Variants in LUZP2 observed in about 807,000 individuals in gnomAD.
LUZP2 encodes the protein leucine zipper protein 2.
A neutral mutation model predicts 51.6 loss-of-function variants in LUZP2; 52 were observed. That is an observed-to-expected ratio of 1.01 (90% CI 0.81 to 1.27). The LOEUF (loss-of-function observed/expected upper bound fraction) is 1.27. Among genes scored for constraint, LUZP2 ranks in the 50% most tolerant of loss-of-function variants. The pLI, the probability that LUZP2 is intolerant of heterozygous loss-of-function variation, is 0.00. For missense variants in LUZP2, 436 were observed against 395.4 expected (o/e 1.10, Z -0.87); for synonymous variants, 154 against 137.3 (o/e 1.12, Z -0.85).
chr11:24,999,694 A>G (rs1029397345), intron 9 of LUZP2, among the ~76,000 whole-genome samples: 1 of 152,056 alleles, frequency 6.6e-6, no homozygotes, highest in Non-Finnish European at 1.5e-5. Flanking sequence ...GACACATGCA[A>G]TGTTATATAT....
intron 5 of LUZP2, among the ~76,000 whole-genome samples, chr11:24,882,815 G>GGAGGAAGGGGGGAAGA: frequency 6.7e-6 from 1 of 149,548 alleles, no homozygotes; most frequent in Non-Finnish European, 1.5e-5. Context: ...AGGGAAGAAG[G>GGAGGAAGGGGGGAAGA]GAGGGAGGGA....
intron 1 of LUZP2, among the ~76,000 whole-genome samples, chr11:24,624,859 A>G (rs142494441): frequency 0.024 from 3,633 of 152,244 alleles, 76 homozygotes; most frequent in Non-Finnish European, 0.032. Context: ...TATTATTGTT[A>G]TTATTAGGCT....
At chr11:24,789,758 G>C (rs1216013106) in intron 5 of LUZP2, among the ~76,000 whole-genome samples, 1 of 152,166 alleles carries the variant, frequency 6.6e-6, no homozygotes, top group African/African-American at 2.4e-5. Context: ...ACCTCTTGCT[G>C]TGTCCCCACA....
intron 9 of LUZP2, 72 bp downstream of exon 9, chr11:24,983,365 A>T (rs1478382565): frequency 7.0e-7 from 1 of 1,431,302 alleles, no homozygotes; most frequent in East Asian, 2.3e-5. Context: ...CAGTATATAT[A>T]ATCACCAGAG....
rs113303791 is a variant in LUZP2 at position 24,886,801 on chromosome 11, T to C, written c.397-19190T>C. Among the ~76,000 whole-genome samples the C allele has an allele frequency of 9.8e-5, 15 of 152,312 alleles. 1 individual carries two copies. Among genetic ancestry groups the C allele is most frequent in the African/African-American group, 3.6e-4 (15 of 41,574 alleles). On this transcript the variant is annotated intron_variant, in intron 5 of 11. Transcript: ENST00000336930. ...ATGCCATCCATTTTCCTAAGATTTC[T>C]TTAATAAGGCATGCTATAACCTGAA...
chr11:24,502,243 A>G (rs750417734), intron 1 of LUZP2, among the ~76,000 whole-genome samples: 1 of 152,194 alleles, frequency 6.6e-6, no homozygotes, highest in Non-Finnish European at 1.5e-5. Context: ...ATATAGATAC[A>G]AATCAATTAG....
intron 4 of LUZP2, among the ~76,000 whole-genome samples, chr11:24,746,895 T>C (rs749864753): frequency 6.6e-6 from 1 of 152,202 alleles, no homozygotes; most frequent in Admixed American, 6.5e-5. Flanking sequence ...CAATGTTTCC[T>C]GAAGTTTTGA....
intron 1 of LUZP2, among the ~76,000 whole-genome samples, chr11:24,568,180 C>T (rs984251231): frequency 4.6e-5 from 7 of 151,746 alleles, no homozygotes; most frequent in East Asian, 3.9e-4. Context: ...GCCAAGATGG[C>T]GAAACCCTGT....
At chr11:25,016,296 C>T (rs149770983) in intron 9 of LUZP2, among the ~76,000 whole-genome samples, 1 of 151,996 alleles carries the variant, frequency 6.6e-6, no homozygotes, top group Non-Finnish European at 1.5e-5. Context: ...TTATCCCTCA[C>T]CCTTCTTCCA....
chr11:25,039,523 G>A (rs1157405432), intron 9 of LUZP2, among the ~76,000 whole-genome samples: 1 of 152,134 alleles, frequency 6.6e-6, no homozygotes, highest in Non-Finnish European at 1.5e-5. Flanking sequence ...AGGAGCTCTG[G>A]TGGGAGGGCG....
chr11:24,904,685 A>G (rs1373749240), intron 5 of LUZP2, among the ~76,000 whole-genome samples: 4 of 152,110 alleles, frequency 2.6e-5, no homozygotes, highest in African/African-American at 9.7e-5. Context: ...GTAGTTTGCA[A>G]ATACGTTCTC....
intron 5 of LUZP2, among the ~76,000 whole-genome samples, chr11:24,763,669 GGCCAATCTA>G (rs1431300753): frequency 2.6e-5 from 4 of 151,934 alleles, no homozygotes; most frequent in African/African-American, 9.7e-5. Flanking sequence ...TGCTAGAAAG[GGCCAATCTA>G]GAATGAAAAA....
intron 10 of LUZP2, among the ~76,000 whole-genome samples, chr11:25,074,795 GT>G (rs1859253020): frequency 6.6e-6 from 1 of 152,026 alleles, no homozygotes; most frequent in South Asian, 2.1e-4. Context: ...ACCCTGGTGT[GT>G]TTTTTTAGCA....
intron 5 of LUZP2, among the ~76,000 whole-genome samples, chr11:24,834,886 G>A (rs886454744): frequency 1.3e-5 from 2 of 152,150 alleles, no homozygotes; most frequent in Admixed American, 1.3e-4. Flanking sequence ...CTGCATAAAG[G>A]TCTTCTTTTG....
At chr11:24,907,263 T>C (rs1184718532) in intron 6 of LUZP2, among the ~76,000 whole-genome samples, 1 of 137,150 alleles carries the variant, frequency 7.3e-6, no homozygotes, top group African/African-American at 2.7e-5. Context: ...GTGAAAACTC[T>C]CCTTGAAAAA....
intron 7 of LUZP2, among the ~76,000 whole-genome samples, chr11:24,940,215 G>A (rs1031530286): frequency 2.3e-4 from 35 of 152,168 alleles, no homozygotes; most frequent in African/African-American, 8.4e-4. Context: ...TAATGAGAAT[G>A]GAAACTATAT....
intron 1 of LUZP2, among the ~76,000 whole-genome samples, chr11:24,700,786 A>C (rs565600942): frequency 6.6e-6 from 1 of 152,274 alleles, no homozygotes; most frequent in South Asian, 2.1e-4. Flanking sequence ...TTCTGACATT[A>C]TAATCAGTGG....
At chr11:24,534,752 A>G (rs1268831454) in intron 1 of LUZP2, among the ~76,000 whole-genome samples, 3 of 151,534 alleles carry the variant, frequency 2.0e-5, no homozygotes, top group Non-Finnish European at 3.0e-5. Context: ...GCATTTAGTT[A>G]GAAAAACAAT....
At chr11:24,977,004 G>T (rs972645319) in intron 8 of LUZP2, among the ~76,000 whole-genome samples, 1 of 151,716 alleles carries the variant, frequency 6.6e-6, no homozygotes, top group Non-Finnish European at 1.5e-5. Context: ...AGGTGAATGA[G>T]TTATGAAGCA....
Sources: gnomAD v4.1 joint callset for allele counts (sites outside exome capture counted in the v4.1 genomes callset) on GRCh38, gnomAD v4.1.1 for gene constraint, MANE v1.5 for transcripts, NCBI Gene and HGNC (gene_info 2026-07-23, HGNC 2026-07-21) for gene names.